Variants in MICU1 observed in about 807,000 individuals in gnomAD.
The protein encoded by MICU1 is calcium uptake protein 1, mitochondrial.
Under a neutral mutation model 56.8 loss-of-function variants are expected in MICU1, and 45 were observed. The observed-to-expected ratio is 0.79, with a 90% CI of 0.62 to 1.02. The LOEUF (loss-of-function observed/expected upper bound fraction) is 1.02. MICU1 is among the 50% of genes least tolerant of loss of function. The pLI is 0.00. For missense variants in MICU1, 504 were observed against 587.1 expected (o/e 0.86, Z 1.46); for synonymous variants, 186 against 195.1 (o/e 0.95, Z 0.39).
intron 10 of MICU1, among the ~76,000 whole-genome samples, chr10:72,383,418 C>T (rs1862785034): frequency 6.6e-6 from 1 of 152,126 alleles, no homozygotes; most frequent in East Asian, 1.9e-4. Context: ...GATATAAAAT[C>T]AAATATGTAC....
chr10:72,611,745 T>C (rs1256100827), intron 1 of MICU1, among the ~76,000 whole-genome samples: 1 of 152,058 alleles, frequency 6.6e-6, no homozygotes, highest in Non-Finnish European at 1.5e-5. Flanking sequence ...ACTAGAATAT[T>C]AGAGCTGAAA....
chr10:72,405,100 G>A (rs1405833916), intron 10 of MICU1, among the ~76,000 whole-genome samples: 1 of 151,936 alleles, frequency 6.6e-6, no homozygotes, highest in Non-Finnish European at 1.5e-5. Context: ...TTACAGATGG[G>A]GTTTCACCAT....
intron 8 of MICU1, among the ~76,000 whole-genome samples, chr10:72,448,591 A>G (rs1865197328): frequency 6.6e-6 from 1 of 152,148 alleles, no homozygotes; most frequent in South Asian, 2.1e-4. Context: ...AAGTTGACTG[A>G]CAAGCATTAG....
At chr10:72,388,825 T>C (rs1485626112) in intron 10 of MICU1, among the ~76,000 whole-genome samples, 2 of 152,170 alleles carry the variant, frequency 1.3e-5, no homozygotes, top group East Asian at 1.9e-4. Context: ...TTGTGGAGTA[T>C]ACTGAGAGGC....
At chr10:72,449,448 G>C (rs1001873416) in intron 8 of MICU1, among the ~76,000 whole-genome samples, 5 of 152,048 alleles carry the variant, frequency 3.3e-5, no homozygotes, top group Non-Finnish European at 7.4e-5. Context: ...ATGTTGCCCA[G>C]GCTGGTCTTG....
intron 1 of MICU1, among the ~76,000 whole-genome samples, chr10:72,590,478 C>T (rs757791492): frequency 6.6e-5 from 10 of 152,042 alleles, no homozygotes; most frequent in Non-Finnish European, 1.3e-4. Context: ...ACCTTGCTCT[C>T]GATAATGGAT....
chr10:72,490,444 G>C (rs533555780), intron 6 of MICU1, among the ~76,000 whole-genome samples: 1 of 152,154 alleles, frequency 6.6e-6, no homozygotes, highest in Non-Finnish European at 1.5e-5. Flanking sequence ...CAAAAAGTTC[G>C]CACTGTAGAT....
intron 8 of MICU1, 63 bp downstream of exon 8, chr10:72,475,037 T>C (rs1052868515): frequency 2.8e-6 from 4 of 1,423,100 alleles, no homozygotes; most frequent in Middle Eastern, 3.7e-4. Context: ...ATGCCTATAG[T>C]ACAGGCCCTC....
chr10:72,518,044 T>C (rs1469208720), intron 5 of MICU1, among the ~76,000 whole-genome samples: 1 of 151,600 alleles, frequency 6.6e-6, no homozygotes, highest in East Asian at 1.9e-4. Context: ...CTTTTTTTTT[T>C]TTTCCTGAGA....
At chr10:72,434,467 A>C (rs1293773041) in intron 8 of MICU1, among the ~76,000 whole-genome samples, 2 of 151,832 alleles carry the variant, frequency 1.3e-5, no homozygotes, top group African/African-American at 4.8e-5. Context: ...CTTTTAGATG[A>C]CTCTTCAGCA....
At position 72,589,232 on chromosome 10, in the gene MICU1, TG is replaced by T. The variant is rs1385748601; in HGVS notation, c.-1-22439del. Among the ~76,000 whole-genome samples the T allele has an allele frequency of 2.0e-5, 3 of 150,486 alleles. No homozygotes were observed. In the South Asian group the frequency reaches 6.3e-4, roughly 32 times the overall value. ...TGAACCCAGGAGGCGGAGGTTGCAG[TG>T]GGCCGAGATTGCGTCACTGCACTCC... is the stretch of plus-strand genomic sequence containing the variant. On this transcript the variant is annotated intron_variant, in intron 1 of 11. Coordinates refer to ENST00000361114, the MANE Select transcript of MICU1 (RefSeq NM_001195518.2).
At chr10:72,558,318 C>T (rs566161027) in intron 3 of MICU1, among the ~76,000 whole-genome samples, 3 of 151,688 alleles carry the variant, frequency 2.0e-5, no homozygotes, top group Non-Finnish European at 4.4e-5. Context: ...AAACAAAACA[C>T]CATCTCTGTG....
chr10:72,588,515 GT>G (rs1265281236), intron 1 of MICU1, among the ~76,000 whole-genome samples: 1 of 152,150 alleles, frequency 6.6e-6, no homozygotes, highest in Non-Finnish European at 1.5e-5. Context: ...TGCAAGTATG[GT>G]CACTATTTCC....
intron 9 of MICU1, among the ~76,000 whole-genome samples, chr10:72,420,769 A>C (rs1239897319): frequency 5.3e-5 from 8 of 151,366 alleles, no homozygotes; most frequent in Non-Finnish European, 1.0e-4. Context: ...CAACCTCCCC[A>C]GGCTCAGGTG....
Position 72,427,733 on chromosome 10 carries a change from A to AATATATATAT in MICU1, c.934-4372_934-4363dup, listed in dbSNP as rs58696519. Among the ~76,000 whole-genome samples, 328 of 136,230 alleles carry AATATATATAT rather than the reference A, an allele frequency of 2.4e-3. 2 individuals are homozygous for AATATATATAT. The highest frequency in any genetic ancestry group is 0.011 in the South Asian group (44 of 4,010). 89.4% of individuals were successfully genotyped at this position (136,230 alleles called of 152,430 possible). Reference sequence around the variant, plus strand: ...TCAGCATCATAGACCCCATCTCTAAAATATATATATATATATATATATATA... The same window carrying AATATATATAT: ...TCAGCATCATAGACCCCATCTCTAAAATATATATATATATATATATATATATATATATATA... On this transcript the variant is annotated intron_variant, in intron 8 of 11. Transcript: ENST00000361114.
chr10:72,472,194 C>CA (rs1379913257), intron 8 of MICU1, among the ~76,000 whole-genome samples: 1 of 151,938 alleles, frequency 6.6e-6, no homozygotes, highest in Non-Finnish European at 1.5e-5. Context: ...AGGTAACTGG[C>CA]AAAAAACAAG....
At chr10:72,569,764 T>C (rs1009064258) in intron 1 of MICU1, among the ~76,000 whole-genome samples, 10 of 152,246 alleles carry the variant, frequency 6.6e-5, no homozygotes, top group African/African-American at 2.2e-4. Flanking sequence ...TTTTTTTCCC[T>C]CTAGATTATG....
intron 9 of MICU1, among the ~76,000 whole-genome samples, chr10:72,410,065 C>G (rs1350775508): frequency 6.6e-6 from 1 of 152,140 alleles, no homozygotes; most frequent in Non-Finnish European, 1.5e-5. Flanking sequence ...AGCGTACTTA[C>G]AAAAACCGTT....
chr10:72,556,275 A>T (rs1840156726), intron 3 of MICU1, among the ~76,000 whole-genome samples: 1 of 152,262 alleles, frequency 6.6e-6, no homozygotes, highest in Admixed American at 6.5e-5. Flanking sequence ...CTATGACACT[A>T]GTCTCATAAA....
Sources: gnomAD v4.1 joint callset for allele counts (sites outside exome capture counted in the v4.1 genomes callset) on GRCh38, gnomAD v4.1.1 for gene constraint, MANE v1.5 for transcripts, NCBI Gene and HGNC (gene_info 2026-07-23, HGNC 2026-07-21) for gene names.